CDH26: variants seen among roughly 807,000 people sequenced by gnomAD.
CDH26 encodes the protein cadherin 26.
Under a neutral mutation model 90.3 loss-of-function variants are expected in CDH26, and 83 were observed. The ratio of observed to expected loss-of-function variants is 0.92; its 90% CI spans 0.77 to 1.10. CDH26 has a LOEUF of 1.10. CDH26 is among the 50% of genes least tolerant of loss of function. The pLI is 0.00. For missense variants in CDH26, 1,013 were observed against 1,037.6 expected (o/e 0.98, Z 0.33); for synonymous variants, 397 against 396.3 (o/e 1.00, Z -0.02).
intron 12 of CDH26, 58 bp from the exon 13 acceptor site, chr20:59,996,573 G>A: frequency 6.2e-7 from 1 of 1,614,228 alleles, no homozygotes; most frequent in Non-Finnish European, 8.5e-7. Context: ...AGATCCTCAT[G>A]AAACCTCTGA....
chr20:59,991,418 A>C (rs78689653), intron 9 of CDH26, among the ~76,000 whole-genome samples: 4,903 of 152,220 alleles, frequency 0.032, 254 homozygotes, highest in African/African-American at 0.11. Context: ...GGTTTCCTCT[A>C]GTTCTGCTTC....
chr20:60,015,334 T>C (rs779649662), downstream of CDH26, among the ~76,000 whole-genome samples: 10 of 152,242 alleles, frequency 6.6e-5, no homozygotes, highest in Non-Finnish European at 1.0e-4. Flanking sequence ...CTAACTGGGA[T>C]GAGATAATAC....
Position 59,961,919 on chromosome 20 carries a change from C to T in CDH26, c.69+3124C>T, listed in dbSNP as rs148925129. Among the ~76,000 whole-genome samples, 500 of 152,260 alleles carry T rather than the reference C, an allele frequency of 3.3e-3. 1 individual carries two copies. The highest frequency in any genetic ancestry group is 5.6e-3 in the Non-Finnish European group (383 of 68,018). On this transcript the variant is annotated intron_variant, in intron 1 of 17. Coordinates refer to ENST00000348616, the MANE Select transcript of CDH26 (RefSeq NM_177980.4). ...AATGAAACTGTACAATGAGAAAAGC[C>T]ACTTATGATTTTTTGTTGTTGGTGG...
chr20:59,981,742 T>C (rs915071218), intron 4 of CDH26, among the ~76,000 whole-genome samples: 1 of 152,138 alleles, frequency 6.6e-6, no homozygotes. Context: ...TTTACAAAAA[T>C]TTGACTTTGT....
chr20:59,985,754 A>C lies in CDH26; in HGVS notation c.837+625A>C, dbSNP rs565939390. The stretch of plus-strand genomic sequence containing the variant: ...TCATATTGACATAGAAGCAGTTCAT[A>C]ATGGTCACATGAGCTTACATTTTTG... On this transcript the variant is annotated intron_variant, in intron 7 of 17. Transcript: ENST00000348616. Among the ~76,000 whole-genome samples the C allele has an allele frequency of 4.6e-5, 7 of 152,370 alleles. No individual in the cohort carries two copies. In the East Asian group the frequency reaches 1.4e-3, roughly 29 times the overall value.
At chr20:60,003,575 A>G (rs892320015) in intron 16 of CDH26, among the ~76,000 whole-genome samples, 3 of 152,176 alleles carry the variant, frequency 2.0e-5, no homozygotes, top group African/African-American at 4.8e-5. Context: ...TTAATGAAAC[A>G]TGGGACCAAA....
intron 4 of CDH26, among the ~76,000 whole-genome samples, chr20:59,977,544 AAT>A (rs954455733): frequency 6.7e-6 from 1 of 150,224 alleles, no homozygotes; most frequent in Admixed American, 6.7e-5. Flanking sequence ...ATATTTTATT[AAT>A]ATATATATTT....
In CDH26 at chr20:59,999,632, C is replaced by T. The variant is rs1323290416; in HGVS notation, c.2066C>T (p.Thr689Ile). The change falls in exon 14 of 18, where the codon ACA becomes ATA. Residue 689 changes from threonine to isoleucine, a missense_variant. Coordinates refer to ENST00000348616, the MANE Select transcript of CDH26 (RefSeq NM_177980.4). Reference protein sequence around the residue: ...EGQRPALLICTAAAGPTQGVK... With the variant: ...EGQRPALLICIAAAGPTQGVK... The stretch of plus-strand genomic sequence containing the variant: ...CAGAGGCCGGCTCTGCTCATCTGCA[C>T]AGCTGCAGCAGGACCCACGCAGGGA... 6.2e-7 allele frequency: 1 copy of T among 1,614,034 alleles called. No individual in the cohort carries two copies. Among genetic ancestry groups the T allele is most frequent in the Non-Finnish European group, 8.5e-7 (1 of 1,180,006 alleles).
chr20:60,011,148 CA>C (rs1372184458), intron 17 of CDH26, among the ~76,000 whole-genome samples: 17 of 152,276 alleles, frequency 1.1e-4, no homozygotes, highest in Admixed American at 7.8e-4. Context: ...GGAGAGGGGA[CA>C]GAACTAGAAA....
At chr20:59,962,300 G>C (rs2061085529) in intron 1 of CDH26, among the ~76,000 whole-genome samples, 1 of 152,196 alleles carries the variant, frequency 6.6e-6, no homozygotes, top group African/African-American at 2.4e-5. Context: ...CTTAAAATAG[G>C]AGAAATGTAC....
chr20:60,010,454 C>T (rs1393346704), intron 17 of CDH26, among the ~76,000 whole-genome samples: 1 of 152,144 alleles, frequency 6.6e-6, no homozygotes, highest in Non-Finnish European at 1.5e-5. Flanking sequence ...TCAGATAGCA[C>T]CCTCTAGAGG....
intron 1 of CDH26, among the ~76,000 whole-genome samples, chr20:59,964,902 C>A (rs768896954): frequency 6.6e-6 from 1 of 152,164 alleles, no homozygotes; most frequent in Admixed American, 6.6e-5. Flanking sequence ...AACAAGAAAC[C>A]TCAATATATT....
intron 8 of CDH26, among the ~76,000 whole-genome samples, chr20:59,987,952 T>C (rs1469442290): frequency 6.6e-6 from 1 of 152,224 alleles, no homozygotes; most frequent in African/African-American, 2.4e-5. Flanking sequence ...ATTATTCTTT[T>C]TCAGATGTGA....
chr20:59,996,015 G>C lies in CDH26; in HGVS notation c.1849G>C (p.Ala617Pro), dbSNP rs781357009. ...TGCAGAAGTGGGGCTTCATGTGGGG[G>C]CCCTGTTCCCTGTCTGTGCAGCATT... ...ADAEVGLHVG[A>P]LFPVCAAFVA... The change falls in exon 12 of 18, where the codon GCC becomes CCC. Residue 617 changes from alanine to proline, a missense_variant. Physicochemically the swap from Ala to Pro is conservative, Grantham distance 27. Transcript: ENST00000348616. 1.2e-6 allele frequency: 2 copies of C among 1,613,830 alleles called. No individual in the cohort carries two copies. Among genetic ancestry groups the C allele is most frequent in the Admixed American group, 1.7e-5 (1 of 60,014 alleles).
At chr20:59,997,297 C>T (rs547544839) in intron 13 of CDH26, among the ~76,000 whole-genome samples, 18 of 152,244 alleles carry the variant, frequency 1.2e-4, no homozygotes, top group African/African-American at 4.1e-4. Context: ...TACCATTGTC[C>T]GGCAAAGGCC....
intron 7 of CDH26, among the ~76,000 whole-genome samples, chr20:60,019,736 A>G (rs953517820): frequency 1.3e-5 from 2 of 152,084 alleles, no homozygotes; most frequent in African/African-American, 2.4e-5. Context: ...GAGAATTATT[A>G]TGTTCCTTTG....
At chr20:60,007,057 C>T (rs75088130) in intron 17 of CDH26, among the ~76,000 whole-genome samples, 1,659 of 152,250 alleles carry the variant, frequency 0.011, 38 homozygotes, top group African/African-American at 0.038. Context: ...ACTTTCCCGC[C>T]GTGTCCTCAC....
Position 59,982,954 on chromosome 20 carries a change from GA to G in CDH26, c.430del (p.Ile144LeufsTer6). 6.2e-7 allele frequency: 1 copy of G among 1,614,022 alleles called. No homozygotes were observed. The highest frequency in any genetic ancestry group is 8.5e-7 in the Non-Finnish European group (1 of 1,179,946). ...TTTGATGTTGTGGAGCGCTCAACAG[GA>G]AAAATTGTGGATACATCCTTGATTT... is the stretch of plus-strand genomic sequence containing the variant. Reference protein sequence around the residue: ...VYFDVVERSTGKIVDTSLIFN... With the variant: ...VYFDVVERSTXKIVDTSLIFN... On this transcript the variant is annotated frameshift_variant, in exon 5 of 18. Transcript: ENST00000348616. LOFTEE classifies it high-confidence loss of function.
chr20:59,989,457 A>G (rs935057463), intron 9 of CDH26, among the ~76,000 whole-genome samples: 4 of 150,064 alleles, frequency 2.7e-5, no homozygotes, highest in South Asian at 2.1e-4. Flanking sequence ...GAACCCGGGA[A>G]GCGGAGCTTG....
Sources: allele counts gnomAD v4.1 joint callset (sites outside exome capture counted in the v4.1 genomes callset), GRCh38; gene constraint gnomAD v4.1.1; transcripts MANE v1.5; gene names NCBI Gene and HGNC (gene_info 2026-07-23, HGNC 2026-07-21).